The following NRXN1 variants were observed in gnomAD, a reference collection of about 807,000 sequenced individuals.
The protein encoded by NRXN1 is neurexin-1.
A neutral mutation model predicts 150.9 loss-of-function variants in NRXN1; 39 were observed. The observed-to-expected ratio is 0.26, with a 90% CI of 0.20 to 0.34. The LOEUF (loss-of-function observed/expected upper bound fraction) is 0.34. Ranked by LOEUF, NRXN1 falls within the 10% of genes least tolerant of loss-of-function variation. The pLI is 1.00. For synonymous variants in NRXN1, 924 were observed against 757.0 expected (o/e 1.22, Z -3.62); for missense variants, 1,815 against 1,949.9 (o/e 0.93, Z 1.30).
intron 2 of NRXN1, among the ~76,000 whole-genome samples, chr2:50,946,228 C>T (rs1244620652): frequency 2.0e-5 from 3 of 152,114 alleles, no homozygotes; most frequent in East Asian, 1.9e-4. Context: ...CTGCATACGA[C>T]GCTATGAACA....
chr2:49,959,754 A>C (rs1675588018), intron 21 of NRXN1, among the ~76,000 whole-genome samples: 1 of 152,230 alleles, frequency 6.6e-6, no homozygotes, highest in Admixed American at 6.5e-5. Context: ...TAAATTCAAA[A>C]TAAATATTGG....
At chr2:50,840,283 A>T (rs536748548) in intron 5 of NRXN1, among the ~76,000 whole-genome samples, 4 of 152,138 alleles carry the variant, frequency 2.6e-5, no homozygotes, top group African/African-American at 9.7e-5. Flanking sequence ...CTTTGCCATC[A>T]ATCTCAAAAC....
At chr2:50,597,012 A>G (rs998561915) in intron 8 of NRXN1, among the ~76,000 whole-genome samples, 3 of 151,670 alleles carry the variant, frequency 2.0e-5, no homozygotes, top group Non-Finnish European at 4.4e-5. Flanking sequence ...GCCACCATCC[A>G]GTTAATATTT....
At chr2:50,856,713 A>C (rs1424306418) in intron 5 of NRXN1, among the ~76,000 whole-genome samples, 1 of 152,056 alleles carries the variant, frequency 6.6e-6, no homozygotes, top group Non-Finnish European at 1.5e-5. Context: ...AACTTGAAAA[A>C]TATTCATGAT....
chr2:50,124,169 G>A (rs1364811136), intron 18 of NRXN1, among the ~76,000 whole-genome samples: 1 of 152,122 alleles, frequency 6.6e-6, no homozygotes, highest in Non-Finnish European at 1.5e-5. Flanking sequence ...CAAGTGTTTT[G>A]CTGAGGAGGG....
chr2:50,175,299 G>T (rs2060286568), intron 18 of NRXN1: 1 of 152,134 alleles, frequency 6.6e-6, no homozygotes, highest in Non-Finnish European at 1.5e-5. Context: ...GGTAACAACT[G>T]ATACATCTGC....
At chr2:50,582,623 ACGTAG>A (rs1291746985) in intron 8 of NRXN1, among the ~76,000 whole-genome samples, 1 of 152,028 alleles carries the variant, frequency 6.6e-6, no homozygotes, top group Admixed American at 6.6e-5. Flanking sequence ...AACATAGGCT[ACGTAG>A]CATCTCTGTT....
intron 5 of NRXN1, among the ~76,000 whole-genome samples, chr2:50,820,430 G>A (rs1412443712): frequency 1.3e-5 from 2 of 152,098 alleles, no homozygotes. Flanking sequence ...TTGACAGGGT[G>A]GAGAAGAAGC....
chr2:50,362,823 A>G (rs2079318452), intron 17 of NRXN1, among the ~76,000 whole-genome samples: 1 of 152,224 alleles, frequency 6.6e-6, no homozygotes, highest in East Asian at 1.9e-4. Flanking sequence ...TAGAGGCATC[A>G]CGCTACCTGA....
At chr2:50,929,287 C>G (rs1033338253) in intron 2 of NRXN1, among the ~76,000 whole-genome samples, 1 of 151,892 alleles carries the variant, frequency 6.6e-6, no homozygotes, top group Admixed American at 6.6e-5. Context: ...AAATCATGAC[C>G]AGTAAAAAAT....
intron 9 of NRXN1, among the ~76,000 whole-genome samples, chr2:50,549,796 A>T (rs969357873): frequency 1.3e-5 from 2 of 152,190 alleles, no homozygotes; most frequent in African/African-American, 4.8e-5. Flanking sequence ...ATTAGATTGC[A>T]TCAATACTTT....
chr2:50,709,872 A>G (rs1181550824), intron 5 of NRXN1, among the ~76,000 whole-genome samples: 1 of 152,180 alleles, frequency 6.6e-6, no homozygotes, highest in Non-Finnish European at 1.5e-5. Flanking sequence ...TAAGATCACA[A>G]GGCTATCAAG....
chr2:50,552,358 G>T (rs116318768), intron 9 of NRXN1, among the ~76,000 whole-genome samples: 1 of 152,120 alleles, frequency 6.6e-6, no homozygotes, highest in Admixed American at 6.5e-5. Context: ...GTTCATTTAA[G>T]AAGCTATTTT....
chr2:49,974,798 A>G (rs2152500155), intron 21 of NRXN1, among the ~76,000 whole-genome samples: 1 of 151,598 alleles, frequency 6.6e-6, no homozygotes, highest in Admixed American at 6.6e-5. Flanking sequence ...CTTTAAAGAC[A>G]ATTTAAGTCC....
intron 18 of NRXN1, among the ~76,000 whole-genome samples, chr2:50,122,282 T>C (rs933383144): frequency 6.6e-6 from 1 of 152,206 alleles, no homozygotes; most frequent in Non-Finnish European, 1.5e-5. Context: ...GAAACTGAGA[T>C]CCTCACCAGA....
At chr2:50,250,832 G>C (rs1019460043) in intron 17 of NRXN1, among the ~76,000 whole-genome samples, 1 of 151,140 alleles carries the variant, frequency 6.6e-6, no homozygotes, top group Non-Finnish European at 1.5e-5. Flanking sequence ...TGTGCAGTAC[G>C]TGCAGGTTTA....
intron 18 of NRXN1, among the ~76,000 whole-genome samples, chr2:50,226,632 A>G (rs553029068): frequency 2.6e-5 from 4 of 151,978 alleles, no homozygotes; most frequent in Non-Finnish European, 5.9e-5. Flanking sequence ...TAGATTGTGC[A>G]TACATCAGAG....
At chr2:50,770,055 T>C (rs1225183838) in intron 5 of NRXN1, among the ~76,000 whole-genome samples, 1 of 152,078 alleles carries the variant, frequency 6.6e-6, no homozygotes, top group Non-Finnish European at 1.5e-5. Context: ...GAACTTTCAA[T>C]CCAATGCTGC....
intron 5 of NRXN1, among the ~76,000 whole-genome samples, chr2:50,896,594 C>A (rs1178047787): frequency 6.6e-6 from 1 of 152,158 alleles, no homozygotes; most frequent in African/African-American, 2.4e-5. Context: ...CACCTGTAAT[C>A]CCAGCACTTT....
Sources: allele counts gnomAD v4.1 joint callset (sites outside exome capture counted in the v4.1 genomes callset), GRCh38; gene constraint gnomAD v4.1.1; transcripts MANE v1.5; gene names NCBI Gene and HGNC (gene_info 2026-07-23, HGNC 2026-07-21).